The following SLC35D4 variants were observed in gnomAD, a reference collection of about 807,000 sequenced individuals.
SLC35D4 encodes solute carrier family 35 member D4, also known as UDP-N-acetylglucosamine transporter SLC35D4.
chr18:23,370,122 T>G, the SLC35D4 span: 25 of 1,081,520 alleles, frequency 2.3e-5, no homozygotes, highest in Non-Finnish European at 3.0e-5. Flanking sequence ...GAGGGTGCGG[T>G]GAGCTGAGAC....
At chr18:23,370,060 T>A in the SLC35D4 span, among the ~76,000 whole-genome samples, 1 of 152,072 alleles carries the variant, frequency 6.6e-6, no homozygotes, top group Non-Finnish European at 1.5e-5. Flanking sequence ...ATGCCTGTAA[T>A]CCCAGCTACT....
chr18:23,410,918 C>T, the SLC35D4 span, among the ~76,000 whole-genome samples: 1 of 152,184 alleles, frequency 6.6e-6, no homozygotes, highest in Non-Finnish European at 1.5e-5. Context: ...GAGGCCTGAA[C>T]ATTAGGAACA....
chr18:23,433,066 CTT>C, the SLC35D4 span, among the ~76,000 whole-genome samples: 38 of 142,964 alleles, frequency 2.7e-4, no homozygotes, highest in Admixed American at 2.8e-4. Flanking sequence ...TAACTCTTTT[CTT>C]TTTTTTTTTT....
chr18:23,273,263 C>A, the SLC35D4 span, among the ~76,000 whole-genome samples: 1 of 152,126 alleles, frequency 6.6e-6, no homozygotes, highest in South Asian at 2.1e-4. Flanking sequence ...TGAGCAGAAT[C>A]AGAGGGATAA....
the SLC35D4 span, chr18:23,437,866 C>A: frequency 3.1e-6 from 5 of 1,609,958 alleles, no homozygotes; most frequent in African/African-American, 1.3e-5. Context: ...TCAACTCGTC[C>A]CCTTCTCGGG....
the SLC35D4 span, among the ~76,000 whole-genome samples, chr18:23,349,788 A>G: frequency 9.1e-6 from 1 of 109,800 alleles, no homozygotes; most frequent in Non-Finnish European, 2.0e-5. Context: ...GAGCACTTTC[A>G]GTTCAGTTAT....
chr18:23,352,164 A>C, the SLC35D4 span: 1 of 1,570,058 alleles, frequency 6.4e-7, no homozygotes, highest in African/African-American at 1.4e-5. Context: ...CAGGCTCTTG[A>C]GAGAGAATTT....
At chr18:23,318,312 C>A in the SLC35D4 span, among the ~76,000 whole-genome samples, 43 of 152,056 alleles carry the variant, frequency 2.8e-4, no homozygotes, top group Non-Finnish European at 6.0e-4. Flanking sequence ...TATAACAGTT[C>A]TTTATATGTT....
At chr18:23,436,097 G>A in the SLC35D4 span, among the ~76,000 whole-genome samples, 2 of 141,324 alleles carry the variant, frequency 1.4e-5, no homozygotes, top group Non-Finnish European at 3.0e-5. Context: ...ATGCGATCTC[G>A]GCTCACTACA....
the SLC35D4 span, among the ~76,000 whole-genome samples, chr18:23,322,396 G>T: frequency 6.6e-6 from 1 of 152,096 alleles, no homozygotes; most frequent in African/African-American, 2.4e-5. Flanking sequence ...AGGTGGAGTG[G>T]GCAGTAGAAT....
the SLC35D4 span, among the ~76,000 whole-genome samples, chr18:23,356,274 T>C: frequency 6.6e-6 from 1 of 152,142 alleles, no homozygotes; most frequent in South Asian, 2.1e-4. The surrounding 1 kb of genome is among the most constrained non-coding windows in gnomAD (Gnocchi z 4.1). Context: ...CAGTTTTATA[T>C]ATTGGAGTTC....
chr18:23,408,030 C>A, the SLC35D4 span, among the ~76,000 whole-genome samples: 1 of 152,122 alleles, frequency 6.6e-6, no homozygotes, highest in Non-Finnish European at 1.5e-5. Flanking sequence ...ACCCTCTCCC[C>A]ACAAATCACC....
At chr18:23,248,538 T>TTTTTTAA in the SLC35D4 span, among the ~76,000 whole-genome samples, 4 of 93,602 alleles carry the variant, frequency 4.3e-5, no homozygotes, top group African/African-American at 1.4e-4. Flanking sequence ...TTTTTTTTTT[T>TTTTTTAA]AAAAAAAGGC....
chr18:23,394,602 T>C, the SLC35D4 span, among the ~76,000 whole-genome samples: 1 of 152,168 alleles, frequency 6.6e-6, no homozygotes, highest in African/African-American at 2.4e-5. Flanking sequence ...GCCTGTGCCT[T>C]TGGTGTCATA....
the SLC35D4 span, chr18:23,377,647 T>G: frequency 6.3e-7 from 1 of 1,580,274 alleles, no homozygotes; most frequent in South Asian, 1.2e-5. Flanking sequence ...TAAACTTACC[T>G]ACAGATCTTT....
At chr18:23,345,569 T>A in the SLC35D4 span, among the ~76,000 whole-genome samples, 2 of 150,516 alleles carry the variant, frequency 1.3e-5, no homozygotes, top group African/African-American at 4.9e-5. Flanking sequence ...TAAATGCCTA[T>A]CCCTACACCA....
At chr18:23,328,589 T>C in the SLC35D4 span, among the ~76,000 whole-genome samples, 1 of 152,170 alleles carries the variant, frequency 6.6e-6, no homozygotes, top group Non-Finnish European at 1.5e-5. Context: ...TCCATGCTCA[T>C]GGATAGGAAG....
At chr18:23,414,281 A>C in the SLC35D4 span, among the ~76,000 whole-genome samples, 1 of 116,832 alleles carries the variant, frequency 8.6e-6, no homozygotes, top group Non-Finnish European at 1.8e-5. Context: ...AAAAAAGAAA[A>C]AGAAAAAGGA....
At chr18:23,264,394 G>A in the SLC35D4 span, among the ~76,000 whole-genome samples, 13 of 109,946 alleles carry the variant, frequency 1.2e-4, no homozygotes, top group Admixed American at 5.8e-4. Context: ...ACGGAGTCTC[G>A]CCCTATCACC....
Sources: gnomAD v4.1 joint callset for allele counts (sites outside exome capture counted in the v4.1 genomes callset) on GRCh38, gnomAD v4.1.1 for gene constraint, Gnocchi (gnomAD v3.1) non-coding constraint, MANE v1.5 for transcripts, NCBI Gene and HGNC (gene_info 2026-07-23, HGNC 2026-07-21) for gene names.